The following PTGES variants were observed in gnomAD, a reference collection of about 807,000 sequenced individuals.
The protein encoded by PTGES is MGST1-like 1.
Under a neutral mutation model 11.8 loss-of-function variants are expected in PTGES, and 3 were observed. The observed-to-expected ratio is 0.25, with a 90% CI of 0.12 to 0.66. The LOEUF (loss-of-function observed/expected upper bound fraction) is 0.66, where lower values mean the gene tolerates loss of function less well. Ranked by LOEUF, PTGES falls within the 30% of genes least tolerant of loss-of-function variation. The probability of loss-of-function intolerance (pLI) is 0.82; values close to 1 mark genes in which losing one functional copy is unlikely to be tolerated. For missense variants in PTGES, 180 were observed against 213.0 expected (o/e 0.85, Z 0.96); for synonymous variants, 94 against 90.4 (o/e 1.04, Z -0.22).
At chr9:129,744,909 G>A (rs1193511616) in intron 2 of PTGES, among the ~76,000 whole-genome samples, 1 of 151,862 alleles carries the variant, frequency 6.6e-6, no homozygotes, top group Admixed American at 6.6e-5. Context: ...TGAGTACTTC[G>A]TGGTGCAGCC....
chr9:129,743,048 T>C (rs1411261022), intron 2 of PTGES, among the ~76,000 whole-genome samples: 2 of 152,212 alleles, frequency 1.3e-5, no homozygotes, highest in African/African-American at 4.8e-5. Flanking sequence ...CTGCTCTGCC[T>C]GGCATGTCTG....
intron 2 of PTGES, among the ~76,000 whole-genome samples, chr9:129,740,975 G>A (rs1175081998): frequency 3.9e-5 from 6 of 152,212 alleles, no homozygotes; most frequent in Admixed American, 2.6e-4. Flanking sequence ...GCAGCACTGA[G>A]TGGGGACCCG....
chr9:129,749,915 T>C (rs1175096832), intron 1 of PTGES, among the ~76,000 whole-genome samples: 1 of 152,124 alleles, frequency 6.6e-6, no homozygotes, highest in East Asian at 1.9e-4. Flanking sequence ...CTAAAAGCCA[T>C]GAGAAGGTCT....
At chr9:129,740,207 G>A (rs1467482211) in intron 2 of PTGES, among the ~76,000 whole-genome samples, 1 of 152,122 alleles carries the variant, frequency 6.6e-6, no homozygotes, top group Non-Finnish European at 1.5e-5. Flanking sequence ...TTGGATACCA[G>A]GCAGGAAAAG....
chr9:129,750,894 A>G (rs1350366568), intron 1 of PTGES, among the ~76,000 whole-genome samples: 1 of 152,136 alleles, frequency 6.6e-6, no homozygotes, highest in Non-Finnish European at 1.5e-5. Context: ...CAGAGCAGAG[A>G]TAAGAGGGGG....
rs559749158 is a variant in PTGES at position 129,746,308 on chromosome 9, A to G, written c.209+2347T>C. 2.6e-5 allele frequency among the ~76,000 whole-genome samples: 4 copies of G among 152,202 alleles called. No individual in the cohort carries two copies. The South Asian group carries it at 6.2e-4, about 24-fold the overall frequency. On this transcript the variant is annotated intron_variant, in intron 2 of 2. Transcript: ENST00000340607. ...TCCTGCTGCCTGGACAGCTCATCCCATCCTTCTCCACTGTCCAGGAGGGCC... is the reference window on the plus strand; with the variant it reads ...TCCTGCTGCCTGGACAGCTCATCCCGTCCTTCTCCACTGTCCAGGAGGGCC...
At chr9:129,743,107 A>G (rs748735669) in intron 2 of PTGES, among the ~76,000 whole-genome samples, 5 of 152,160 alleles carry the variant, frequency 3.3e-5, no homozygotes, top group Non-Finnish European at 7.4e-5. Flanking sequence ...ACTGAGCCCC[A>G]CCTTCTATTT....
chr9:129,743,073 G>A (rs1833014505), intron 2 of PTGES, among the ~76,000 whole-genome samples: 1 of 152,200 alleles, frequency 6.6e-6, no homozygotes, highest in Non-Finnish European at 1.5e-5. Context: ...CTGGGGAGGA[G>A]CAGGCCTTGC....
Position 129,752,911 on chromosome 9 carries a change from C to T in PTGES, c.102G>A (p.Thr34=), listed in dbSNP as rs773737665. 13 of 1,613,796 alleles carry T rather than the reference C, an allele frequency of 8.1e-6. No individual in the cohort carries two copies. Among genetic ancestry groups the T allele is most frequent in the Middle Eastern group, 1.6e-4 (1 of 6,084 alleles). The stretch of plus-strand genomic sequence containing the variant: ...CCTTCTTCCGCAGCCTCACTTGGCC[C>T]GTGATGATGGCCACCACGTACATCT... The part of the protein sequence containing the change: ...VIKMYVVAII[T]GQVRLRKKAF... The change falls in exon 1 of 3, where the codon ACG becomes ACA. Residue 34 remains threonine, a synonymous_variant. Coordinates refer to ENST00000340607, the MANE Select transcript of PTGES (RefSeq NM_004878.5).
intron 2 of PTGES, among the ~76,000 whole-genome samples, chr9:129,746,022 G>A (rs1433241947): frequency 1.4e-5 from 2 of 147,134 alleles, no homozygotes; most frequent in African/African-American, 2.5e-5. Flanking sequence ...GGACAAGAGC[G>A]AAACTCTGTC....
intron 2 of PTGES, among the ~76,000 whole-genome samples, chr9:129,743,491 T>C (rs947724461): frequency 2.6e-5 from 4 of 152,216 alleles, no homozygotes; most frequent in Non-Finnish European, 5.9e-5. Context: ...GCATCAGGCC[T>C]GCCTTCACCC....
At chr9:129,751,689 G>A (rs929888674) in intron 1 of PTGES, among the ~76,000 whole-genome samples, 3 of 151,272 alleles carry the variant, frequency 2.0e-5, no homozygotes, top group African/African-American at 7.3e-5. Context: ...AGAAACCCCC[G>A]CCTCCAAGAC....
intron 2 of PTGES, among the ~76,000 whole-genome samples, chr9:129,741,133 G>T (rs1307235813): frequency 6.6e-6 from 1 of 152,226 alleles, no homozygotes; most frequent in Non-Finnish European, 1.5e-5. Context: ...TGGGGTGGGG[G>T]TGGGCAGGGA....
Position 129,739,417 on chromosome 9 carries a change from A to AACATACAC in PTGES, c.*186_*193dup. Reference sequence around the variant, plus strand: ...CGTGCAGGAATCCAAGGGGCTAAGAAACATACACACACACATACACACACA... The same window carrying AACATACAC: ...CGTGCAGGAATCCAAGGGGCTAAGAAACATACACACATACACACACACATACACACACA... On this transcript the variant is annotated 3_prime_UTR_variant, in exon 3 of 3. Transcript: ENST00000340607. The surrounding 1 kb of genome is among the most constrained non-coding windows in gnomAD (Gnocchi z 5.7). 1 of 666,132 alleles carries AACATACAC rather than the reference A, an allele frequency of 1.5e-6. No homozygotes were observed. The highest frequency in any genetic ancestry group is 2.4e-6 in the Non-Finnish European group (1 of 425,338). The allele number at this position is 666,132 out of a possible 1,614,324, so 41.3% of individuals were successfully genotyped here.
intron 2 of PTGES, among the ~76,000 whole-genome samples, chr9:129,747,266 G>C (rs1833057111): frequency 6.6e-6 from 1 of 152,186 alleles, no homozygotes; most frequent in South Asian, 2.1e-4. Context: ...AAGAAAATCA[G>C]AACTCCAAAT....
chr9:129,753,005 G>A lies in PTGES; in HGVS notation c.8C>T (p.Ala3Val), dbSNP rs1254842194. Residue 3 changes from alanine to valine, a missense_variant, in exon 1 of 3, where the codon GCC (alanine) becomes GTC (valine). By Grantham distance (64) the Ala-to-Val change is moderately conservative. Coordinates refer to ENST00000340607, the MANE Select transcript of PTGES (RefSeq NM_004878.5). MP[A>V]HSLVMSSPAL... ...CGGGCTGCTCATCACCAGGCTGTGG[G>A]CAGGCATCTCTGGCCAGCGCAGCTC... is the stretch of plus-strand genomic sequence containing the variant. 1 of 1,605,582 alleles carries A rather than the reference G, an allele frequency of 6.2e-7. No individual in the cohort carries two copies. The highest frequency in any genetic ancestry group is 8.5e-7 in the Non-Finnish European group (1 of 1,179,764).
In PTGES at chr9:129,739,490, A is replaced by C. The variant is rs1284587731; in HGVS notation, c.*121T>G. 8.1e-6 allele frequency: 11 copies of C among 1,364,740 alleles called. No homozygotes were observed. In the Admixed American group the frequency reaches 2.3e-4, roughly 28 times the overall value. The allele number at this position is 1,364,740 out of a possible 1,614,324, so 84.5% of individuals were successfully genotyped here. A position where few individuals can be genotyped will look rare whatever the true frequency, so the allele number is the denominator to read the frequency against. On this transcript the variant is annotated 3_prime_UTR_variant, in exon 3 of 3. Coordinates refer to ENST00000340607, the MANE Select transcript of PTGES (RefSeq NM_004878.5). This position sits in a 1 kb window ranked among gnomAD's most constrained non-coding sequence, Gnocchi z 5.7. ...GTGCCCAGAGACCCACACGCGCAGC[A>C]GGCTGCCAGGAAACCAGGACTCAGG... is the stretch of plus-strand genomic sequence containing the variant.
At chr9:129,747,141 CT>C (rs1353536822) in intron 2 of PTGES, among the ~76,000 whole-genome samples, 3 of 148,450 alleles carry the variant, frequency 2.0e-5, no homozygotes, top group East Asian at 4.1e-4. Flanking sequence ...CTCAAGTGAT[CT>C]GCCGGCCCTC....
At chr9:129,752,728 G>C (rs943602513) in intron 1 of PTGES, among the ~76,000 whole-genome samples, 159 bp downstream of exon 1, 1 of 152,258 alleles carries the variant, frequency 6.6e-6, no homozygotes, top group Non-Finnish European at 1.5e-5. Flanking sequence ...TTGCTGACAC[G>C]TGGGACTGGC....
Sources: gnomAD v4.1 joint callset for allele counts (sites outside exome capture counted in the v4.1 genomes callset) on GRCh38, gnomAD v4.1.1 for gene constraint, Gnocchi (gnomAD v3.1) non-coding constraint, MANE v1.5 for transcripts, NCBI Gene and HGNC (gene_info 2026-07-23, HGNC 2026-07-21) for gene names.